MAGI1: variants seen among roughly 807,000 people sequenced by gnomAD.
MAGI1 encodes membrane associated guanylate kinase, WW and PDZ domain containing 1, also known as membrane-associated guanylate kinase, WW and PDZ domain-containing protein 1.
Under a neutral mutation model 139.9 loss-of-function variants are expected in MAGI1, and 58 were observed. The observed-to-expected ratio is 0.41, with a 90% CI of 0.34 to 0.52. The LOEUF is 0.52. Among genes scored for constraint, MAGI1 ranks in the 20% least tolerant of loss-of-function variants. The probability of loss-of-function intolerance (pLI) is 0.12; values close to 1 mark genes in which losing one functional copy is unlikely to be tolerated. For missense variants in MAGI1, 1,874 were observed against 1,901.6 expected (o/e 0.99, Z 0.27); for synonymous variants, 812 against 737.9 (o/e 1.10, Z -1.63).
intron 2 of MAGI1, among the ~76,000 whole-genome samples, chr3:65,563,200 T>G (rs557042514): frequency 1.3e-5 from 2 of 152,316 alleles, no homozygotes; most frequent in African/African-American, 4.8e-5. Flanking sequence ...CCACTTACAT[T>G]TCATTGGTTT....
At chr3:65,743,500 T>A (rs975490758) in intron 1 of MAGI1, among the ~76,000 whole-genome samples, 4 of 151,442 alleles carry the variant, frequency 2.6e-5, no homozygotes, top group Non-Finnish European at 1.5e-5. Context: ...CTGAGGTCAG[T>A]AGTTCGAGAC....
At chr3:65,483,570 G>C (rs1365723274) in intron 3 of MAGI1, among the ~76,000 whole-genome samples, 1 of 152,202 alleles carries the variant, frequency 6.6e-6, no homozygotes, top group Non-Finnish European at 1.5e-5. Context: ...AAACTTAATT[G>C]GGGCTATCAC....
chr3:65,764,094 A>G, intron 1 of MAGI1, among the ~76,000 whole-genome samples: 1 of 151,418 alleles, frequency 6.6e-6, no homozygotes, highest in Non-Finnish European at 1.5e-5. Flanking sequence ...GAAAAAAAAA[A>G]AAAAAACCTT....
chr3:66,014,165 C>T (rs1319737585), intron 1 of MAGI1, among the ~76,000 whole-genome samples: 1 of 152,136 alleles, frequency 6.6e-6, no homozygotes, highest in East Asian at 1.9e-4. Flanking sequence ...AAGCAGTTCA[C>T]CAAACACTGA....
At chr3:65,806,355 G>A (rs1034664919) in intron 1 of MAGI1, among the ~76,000 whole-genome samples, 1 of 152,084 alleles carries the variant, frequency 6.6e-6, no homozygotes, top group African/African-American at 2.4e-5. Context: ...TTTGAACATG[G>A]GAGGCAGAGG....
intron 1 of MAGI1, among the ~76,000 whole-genome samples, chr3:65,706,197 G>C (rs1415225582): frequency 6.6e-6 from 1 of 152,104 alleles, no homozygotes; most frequent in African/African-American, 2.4e-5. Flanking sequence ...ATTTTGCTTT[G>C]CAAATGGGAT....
At chr3:66,004,339 C>G (rs1389713657) in intron 1 of MAGI1, among the ~76,000 whole-genome samples, 1 of 152,186 alleles carries the variant, frequency 6.6e-6, no homozygotes, top group Admixed American at 6.5e-5. Context: ...CCGGAGGCAT[C>G]TTCACTCGCA....
chr3:65,383,711 T>C (rs573669880), intron 14 of MAGI1, 88 bp from the exon 15 acceptor site: 5 of 820,760 alleles, frequency 6.1e-6, no homozygotes, highest in South Asian at 2.8e-5. Flanking sequence ...AGGACAAGAA[T>C]GGTGGTGCTT....
At chr3:65,769,205 C>G (rs1177742234) in intron 1 of MAGI1, among the ~76,000 whole-genome samples, 1 of 152,044 alleles carries the variant, frequency 6.6e-6, no homozygotes, top group Non-Finnish European at 1.5e-5. Context: ...GTAGACAAAA[C>G]CAAATGATTA....
chr3:65,831,204 G>A (rs1461712022), intron 1 of MAGI1, among the ~76,000 whole-genome samples: 1 of 152,160 alleles, frequency 6.6e-6, no homozygotes, highest in African/African-American at 2.4e-5. Flanking sequence ...ACTTGCCACT[G>A]ACTTAATGGA....
chr3:65,640,141 G>C (rs2084905957), intron 1 of MAGI1, among the ~76,000 whole-genome samples: 1 of 151,992 alleles, frequency 6.6e-6, no homozygotes, highest in African/African-American at 2.4e-5. Flanking sequence ...TGGGTCTTCA[G>C]CTTGTCATGT....
intron 12 of MAGI1, among the ~76,000 whole-genome samples, chr3:65,414,050 T>C (rs1946001418): frequency 6.6e-6 from 1 of 152,262 alleles, no homozygotes; most frequent in Admixed American, 6.5e-5. Flanking sequence ...CTTTCTCTCT[T>C]GTCTGATTCT....
Position 65,898,251 on chromosome 3 carries a change from A to C in MAGI1, c.313+139745T>G, listed in dbSNP as rs745735542. Among the ~76,000 whole-genome samples the C allele has an allele frequency of 2.2e-4, 34 of 152,212 alleles. 1 individual carries two copies. The highest frequency in any genetic ancestry group is 5.9e-4 in the Admixed American group (9 of 15,280). On this transcript the variant is annotated intron_variant, in intron 1 of 22. Coordinates refer to ENST00000402939, the MANE Select transcript of MAGI1 (RefSeq NM_001033057.2). ...CAAAATCCTACCTTTCTGTGGCATA[A>C]CATCGAATTTTTATTCATCCCAAAT...
chr3:65,606,984 T>C (rs1315349201), intron 2 of MAGI1, among the ~76,000 whole-genome samples: 2 of 152,120 alleles, frequency 1.3e-5, no homozygotes, highest in Non-Finnish European at 2.9e-5. Context: ...GACAATTCTC[T>C]TGAAACCCAG....
rs770818439 is a variant in MAGI1 at position 65,943,657 on chromosome 3, A to G, written c.313+94339T>C. Among the ~76,000 whole-genome samples, 28 of 150,272 alleles carry G rather than the reference A, an allele frequency of 1.9e-4. 1 individual carries two copies. The highest frequency in any genetic ancestry group is 4.6e-4 in the Admixed American group (7 of 15,170). ...TGTGTGATTGTGTGTGTGTGTGTGT[A>G]TATATATATGTGTGTATATAGATTC... On this transcript the variant is annotated intron_variant, in intron 1 of 22. Coordinates refer to ENST00000402939, the MANE Select transcript of MAGI1 (RefSeq NM_001033057.2).
chr3:65,799,773 T>C (rs2040398769), intron 1 of MAGI1, among the ~76,000 whole-genome samples: 1 of 152,204 alleles, frequency 6.6e-6, no homozygotes, highest in Admixed American at 6.5e-5. Flanking sequence ...ATGTGTTTTT[T>C]AAAAAATATT....
chr3:65,829,613 G>A (rs1476784071), intron 1 of MAGI1, among the ~76,000 whole-genome samples: 1 of 152,126 alleles, frequency 6.6e-6, no homozygotes, highest in Non-Finnish European at 1.5e-5. Flanking sequence ...CCAGTCTAAG[G>A]TATTTTGTTA....
chr3:65,478,998 G>A (rs749861026), intron 3 of MAGI1, among the ~76,000 whole-genome samples, 200 bp from the exon 4 acceptor site: 4 of 152,148 alleles, frequency 2.6e-5, no homozygotes, highest in Non-Finnish European at 5.9e-5. Flanking sequence ...GATGGGAAGA[G>A]GAAAGCTGTA....
intron 1 of MAGI1, among the ~76,000 whole-genome samples, chr3:65,953,689 G>C (rs561361887): frequency 6.6e-6 from 1 of 152,160 alleles, no homozygotes; most frequent in Non-Finnish European, 1.5e-5. Context: ...CCTGCTGTGC[G>C]GGGCTCACAG....
Sources: gnomAD v4.1 joint callset for allele counts (sites outside exome capture counted in the v4.1 genomes callset) on GRCh38, gnomAD v4.1.1 for gene constraint, MANE v1.5 for transcripts, NCBI Gene and HGNC (gene_info 2026-07-23, HGNC 2026-07-21) for gene names.